Variants in WWOX observed in about 807,000 individuals in gnomAD.
The protein encoded by WWOX is WW domain-containing oxidoreductase.
In WWOX, 69 loss-of-function variants were observed where a neutral mutation model predicts 46.2. The ratio of observed to expected loss-of-function variants is 1.49; its 90% CI spans 1.23 to 1.82. The LOEUF is 1.82. Ranked by LOEUF, WWOX falls within the 40% of genes most tolerant of loss-of-function variation. WWOX has a pLI of 0.00. For synonymous variants in WWOX, 359 were observed against 202.6 expected, an observed-to-expected ratio of 1.77 and a Z score of -6.56; for missense variants, 919 against 542.6, an observed-to-expected ratio of 1.69 and a Z score of -6.89.
At chr16:78,432,055 G>C (rs2083231616) in intron 7 of WWOX, among the ~76,000 whole-genome samples, 1 of 151,858 alleles carries the variant, frequency 6.6e-6, no homozygotes, top group African/African-American at 2.4e-5. Flanking sequence ...AATCTTGAAA[G>C]GAGACTTTGT....
intron 8 of WWOX, among the ~76,000 whole-genome samples, chr16:78,794,832 A>G (rs772125357): frequency 6.6e-6 from 1 of 152,248 alleles, no homozygotes; most frequent in African/African-American, 2.4e-5. Flanking sequence ...AGGGCACAGA[A>G]CTGCCAACTG....
At chr16:78,252,727 C>G (rs2038017849) in intron 5 of WWOX, among the ~76,000 whole-genome samples, 2 of 152,148 alleles carry the variant, frequency 1.3e-5, no homozygotes, top group African/African-American at 4.8e-5. Flanking sequence ...CTCTAGATAA[C>G]ACAATACATA....
At chr16:79,045,069 C>A (rs987018090) in intron 8 of WWOX, among the ~76,000 whole-genome samples, 2 of 152,214 alleles carry the variant, frequency 1.3e-5, no homozygotes, top group African/African-American at 4.8e-5. Flanking sequence ...CTGCTCCTGT[C>A]AATCTCTCCA....
chr16:78,178,106 G>C (rs772400554), intron 5 of WWOX, among the ~76,000 whole-genome samples: 1 of 152,200 alleles, frequency 6.6e-6, no homozygotes, highest in African/African-American at 2.4e-5. Flanking sequence ...GAATCAGGAA[G>C]TGCTGACAGT....
chr16:79,032,886 A>G (rs979456714), intron 8 of WWOX, among the ~76,000 whole-genome samples: 4 of 151,338 alleles, frequency 2.6e-5, no homozygotes, highest in Non-Finnish European at 2.9e-5. Flanking sequence ...CCTAGTGCCC[A>G]TTAGTTATTT....
chr16:78,919,968 AT>A (rs1259907661), intron 8 of WWOX, among the ~76,000 whole-genome samples: 2 of 152,050 alleles, frequency 1.3e-5, no homozygotes, highest in African/African-American at 4.8e-5. Context: ...ACGTAAGCTT[AT>A]TTACGGTTTG....
Position 78,514,986 on chromosome 16 carries a change from G to A in WWOX, c.1056+82234G>A, listed in dbSNP as rs542338817. Among the ~76,000 whole-genome samples, 16 of 152,218 alleles carry A rather than the reference G, an allele frequency of 1.1e-4. No homozygotes were observed. The South Asian group carries it at 2.7e-3, about 26-fold the overall frequency. ...TATAATCCCAGCACTTGGGGAGGCC[G>A]AGGCAGGTGGATCACCTGAAGTCAG... On this transcript the variant is annotated intron_variant, in intron 8 of 8. Coordinates refer to ENST00000566780, the MANE Select transcript of WWOX (RefSeq NM_016373.4).
At chr16:78,826,531 C>T (rs114295223) in intron 8 of WWOX, among the ~76,000 whole-genome samples, 1 of 152,236 alleles carries the variant, frequency 6.6e-6, no homozygotes, top group Admixed American at 6.5e-5. Context: ...TCTGCAGCCA[C>T]ATGGCCTTCT....
chr16:78,517,855 A>ATTTTTTT (rs11342538), intron 8 of WWOX, among the ~76,000 whole-genome samples: 16 of 86,392 alleles, frequency 1.9e-4, no homozygotes, highest in South Asian at 4.6e-4. Flanking sequence ...TACACAACCT[A>ATTTTTTT]TTTTTTTTTT....
chr16:78,221,637 T>G (rs552762260), intron 5 of WWOX, among the ~76,000 whole-genome samples: 2 of 152,322 alleles, frequency 1.3e-5, no homozygotes. Flanking sequence ...CTTCCTCATA[T>G]TTTGGTATCT....
intron 5 of WWOX, among the ~76,000 whole-genome samples, chr16:78,185,085 AT>A (rs774350660): frequency 8.4e-4 from 128 of 152,268 alleles, no homozygotes; most frequent in South Asian, 1.9e-3. Flanking sequence ...GACTCCTGCC[AT>A]CTCTGCTCAC....
At chr16:78,154,800 G>A (rs1046971952) in intron 4 of WWOX, among the ~76,000 whole-genome samples, 1 of 152,200 alleles carries the variant, frequency 6.6e-6, no homozygotes, top group African/African-American at 2.4e-5. Context: ...AACCAGATCA[G>A]TGGGAGATGT....
chr16:78,568,878 G>T lies in WWOX; in HGVS notation c.1056+136126G>T, dbSNP rs191578080. Among the ~76,000 whole-genome samples the T allele has an allele frequency of 3.6e-3, 543 of 152,244 alleles. 7 individuals are homozygous for T. The highest frequency in any genetic ancestry group is 0.012 in the African/African-American group (505 of 41,526). On this transcript the variant is annotated intron_variant, in intron 8 of 8. Transcript: ENST00000566780. ...TCTGCTTCTGTCTTACACGTTTTAC[G>T]GGCTATCAGTAGATGCATCTAATAA... is the stretch of plus-strand genomic sequence containing the variant.
chr16:78,708,341 T>G (rs1191396994), intron 8 of WWOX, among the ~76,000 whole-genome samples: 2 of 152,340 alleles, frequency 1.3e-5, no homozygotes, highest in African/African-American at 4.8e-5. Flanking sequence ...ATTTGTTGTT[T>G]ATGTGAAACT....
chr16:78,193,279 C>T (rs1303810781), intron 5 of WWOX, among the ~76,000 whole-genome samples: 1 of 152,194 alleles, frequency 6.6e-6, no homozygotes, highest in Non-Finnish European at 1.5e-5. Flanking sequence ...TTCACTTGAC[C>T]AAAGATGGTT....
chr16:78,168,352 GC>G (rs1394804852), intron 5 of WWOX: 1 of 151,860 alleles, frequency 6.6e-6, no homozygotes, highest in Admixed American at 6.6e-5. Context: ...ACAGCTAACA[GC>G]CCCCATTTAT....
chr16:79,158,457 T>C (rs369018010), intron 8 of WWOX, among the ~76,000 whole-genome samples: 8 of 152,154 alleles, frequency 5.3e-5, no homozygotes, highest in Admixed American at 3.3e-4. Context: ...GGCGTTTAAC[T>C]CTGCTTTAAA....
At chr16:79,055,184 A>T (rs891605578) in intron 8 of WWOX, among the ~76,000 whole-genome samples, 1 of 152,238 alleles carries the variant, frequency 6.6e-6, no homozygotes, top group East Asian at 1.9e-4. Flanking sequence ...TAAAGCAAAC[A>T]GTAACAGTGA....
chr16:79,050,345 C>G (rs555144960), intron 8 of WWOX, among the ~76,000 whole-genome samples: 5 of 152,158 alleles, frequency 3.3e-5, no homozygotes, highest in Non-Finnish European at 7.3e-5. Flanking sequence ...TGGTTCTCCT[C>G]CACATGTCTC....
Sources: gnomAD v4.1 joint callset for allele counts (sites outside exome capture counted in the v4.1 genomes callset) on GRCh38, gnomAD v4.1.1 for gene constraint, MANE v1.5 for transcripts, NCBI Gene and HGNC (gene_info 2026-07-23, HGNC 2026-07-21) for gene names.